HDAC11: variants seen among roughly 807,000 people sequenced by gnomAD.
The protein encoded by HDAC11 is histone deacetylase 11.
In HDAC11, 23 loss-of-function variants were observed where a neutral mutation model predicts 41.1. The ratio of observed to expected loss-of-function variants is 0.56; its 90% CI spans 0.40 to 0.79. The LOEUF (loss-of-function observed/expected upper bound fraction) is 0.79, where lower values mean the gene tolerates loss of function less well. Among genes scored for constraint, HDAC11 ranks in the 30% least tolerant of loss-of-function variants. The probability of loss-of-function intolerance (pLI) is 0.00; values close to 1 mark genes in which losing one functional copy is unlikely to be tolerated. For synonymous variants in HDAC11, 187 were observed against 186.6 expected (o/e 1.00, Z -0.02); for missense variants, 402 against 477.3 (o/e 0.84, Z 1.47).
intron 3 of HDAC11, among the ~76,000 whole-genome samples, chr3:13,488,154 G>A (rs1282334660): frequency 1.3e-5 from 2 of 151,896 alleles, no homozygotes; most frequent in African/African-American, 4.8e-5. Context: ...TGGAGCACCT[G>A]GAGGGACCCT....
intron 3 of HDAC11, among the ~76,000 whole-genome samples, chr3:13,494,478 A>G (rs1261089954): frequency 1.3e-5 from 2 of 152,220 alleles, no homozygotes; most frequent in Admixed American, 1.3e-4. Flanking sequence ...GCACACATGT[A>G]TACACAAGAC....
chr3:13,491,992 A>C (rs1701886889), intron 3 of HDAC11, among the ~76,000 whole-genome samples: 1 of 152,212 alleles, frequency 6.6e-6, no homozygotes, highest in South Asian at 2.1e-4. Context: ...CTGCATTTCT[A>C]ATACATTCTC....
At chr3:13,503,901 G>A (rs1009566586) in intron 8 of HDAC11, among the ~76,000 whole-genome samples, 193 bp from the exon 9 acceptor site, 2 of 152,212 alleles carry the variant, frequency 1.3e-5, no homozygotes, top group African/African-American at 4.8e-5. Context: ...CTCAGCTTCA[G>A]TGCCCCTTCT....
intron 3 of HDAC11, among the ~76,000 whole-genome samples, chr3:13,486,568 GGTGTTTT>G (rs1220912258): frequency 7.8e-6 from 1 of 128,638 alleles, no homozygotes; most frequent in East Asian, 2.5e-4. Context: ...CTCATGTAGA[GGTGTTTT>G]TTTTTTTTTT....
chr3:13,495,606 C>T (rs1053577184), intron 3 of HDAC11, among the ~76,000 whole-genome samples: 1 of 152,202 alleles, frequency 6.6e-6, no homozygotes, highest in Admixed American at 6.5e-5. Flanking sequence ...CTCCTTGCTG[C>T]AGCTAGTGCA....
chr3:13,480,625 C>T lies in HDAC11; in HGVS notation c.2+276C>T. On this transcript the variant is annotated intron_variant, in intron 1 of 9. Coordinates refer to ENST00000295757, the MANE Select transcript of HDAC11 (RefSeq NM_024827.4). This position sits in a 1 kb window ranked among gnomAD's most constrained non-coding sequence, Gnocchi z 4.6. Reference sequence around the variant, plus strand: ...GCGATGTGCGCGGGTCTGACGTCTGCGCTGCCCAGCCCCCTGGCTACGCGG... The same window carrying T: ...GCGATGTGCGCGGGTCTGACGTCTGTGCTGCCCAGCCCCCTGGCTACGCGG... 1 of 365,850 alleles carries T rather than the reference C, an allele frequency of 2.7e-6. No homozygotes were observed. The highest frequency in any genetic ancestry group is 5.5e-6 in the Non-Finnish European group (1 of 182,858). 22.7% of individuals were successfully genotyped at this position (365,850 alleles called of 1,614,324 possible).
intron 2 of HDAC11, 42 bp downstream of exon 2, chr3:13,481,436 C>T (rs1330744681): frequency 3.7e-6 from 6 of 1,605,988 alleles, no homozygotes; most frequent in Non-Finnish European, 4.3e-6. Context: ...CTTCCTCCAA[C>T]CCACCTGTCC....
At chr3:13,497,934 C>T (rs1417353023) in intron 4 of HDAC11, among the ~76,000 whole-genome samples, 1 of 140,746 alleles carries the variant, frequency 7.1e-6, no homozygotes, top group African/African-American at 2.7e-5. Context: ...TGGCTCACTG[C>T]AACCTCTGCC....
chr3:13,484,877 C>T (rs1230835909), intron 3 of HDAC11, among the ~76,000 whole-genome samples: 2 of 151,218 alleles, frequency 1.3e-5, no homozygotes, highest in East Asian at 2.0e-4. Flanking sequence ...GAGGTTGGGG[C>T]GGGGGCTTGC....
chr3:13,503,966 G>A, intron 8 of HDAC11, 128 bp from the exon 9 acceptor site: 3 of 814,342 alleles, frequency 3.7e-6, no homozygotes, highest in South Asian at 1.8e-5. Context: ...CTTAGTTTTG[G>A]GTGGAATGAG....
chr3:13,487,892 G>A lies in HDAC11; in HGVS notation c.252+4328G>A, dbSNP rs143127313. 1.4e-4 allele frequency among the ~76,000 whole-genome samples: 22 copies of A among 152,136 alleles called. No individual in the cohort carries two copies. The East Asian group carries it at 4.2e-3, about 29-fold the overall frequency. ...GATGGTGCTGAGTGTCGTGAAGAAA[G>A]GAAGGGACAGCAGAAAAGGGGTGGG... is the stretch of plus-strand genomic sequence containing the variant. On this transcript the variant is annotated intron_variant, in intron 3 of 9. Transcript: ENST00000295757.
intron 3 of HDAC11, among the ~76,000 whole-genome samples, chr3:13,494,100 G>A (rs912368195): frequency 6.6e-6 from 1 of 152,262 alleles, no homozygotes. Flanking sequence ...CAAACGACTT[G>A]CCGGTGGAAG....
chr3:13,501,608 C>T, intron 6 of HDAC11: 1 of 686,902 alleles, frequency 1.5e-6, no homozygotes. Flanking sequence ...ACCCACTTAC[C>T]TCCTGACCTA....
At chr3:13,498,039 A>G (rs888474103) in intron 4 of HDAC11, among the ~76,000 whole-genome samples, 3 of 151,752 alleles carry the variant, frequency 2.0e-5, no homozygotes, top group African/African-American at 7.3e-5. Context: ...TATTTTTAGT[A>G]GAGACGGGGT....
chr3:13,504,497 C>T lies in HDAC11; in HGVS notation c.858C>T (p.Phe286=), dbSNP rs1426309232. 6.2e-7 allele frequency: 1 copy of T among 1,613,406 alleles called. No individual in the cohort carries two copies. Among genetic ancestry groups the T allele is most frequent in the Non-Finnish European group, 8.5e-7 (1 of 1,180,020 alleles). The change falls in exon 10 of 10, where the codon TTC becomes TTT. Residue 286 remains phenylalanine, a synonymous_variant. Coordinates refer to ENST00000295757, the MANE Select transcript of HDAC11 (RefSeq NM_024827.4). The part of the protein sequence containing the change: ...AGIVKRDELV[F]RMVRGRRVPI... The stretch of plus-strand genomic sequence containing the variant: ...TCGTGAAGCGGGATGAGCTGGTGTT[C>T]CGGATGGTCCGTGGCCGCCGGGTGC...
chr3:13,494,341 G>C (rs919489973), intron 3 of HDAC11, among the ~76,000 whole-genome samples: 6 of 152,264 alleles, frequency 3.9e-5, no homozygotes, highest in African/African-American at 1.4e-4. Flanking sequence ...CACACGCGGG[G>C]CCTCTGCCGG....
Position 13,494,426 on chromosome 3 carries a change from C to T in HDAC11, c.253-2310C>T, listed in dbSNP as rs577577594. ...GACCTTCCTTTCTCTGGGTCTGTCC[C>T]GCAACATACACACACGCACACACGC... On this transcript the variant is annotated intron_variant, in intron 3 of 9. Coordinates refer to ENST00000295757, the MANE Select transcript of HDAC11 (RefSeq NM_024827.4). Among the ~76,000 whole-genome samples, 17 of 152,290 alleles carry T rather than the reference C, an allele frequency of 1.1e-4. No individual in the cohort carries two copies. The East Asian group carries it at 1.5e-3, about 14-fold the overall frequency.
In HDAC11 at chr3:13,506,264, G is replaced by T. The variant is rs1702621848; in HGVS notation, c.*1581G>T. The T allele has an allele frequency of 6.6e-6, 1 of 152,248 alleles. No individual in the cohort carries two copies. The highest frequency in any genetic ancestry group is 2.1e-4 in the South Asian group (1 of 4,832). 9.4% of individuals were successfully genotyped at this position (152,248 alleles called of 1,614,324 possible). On this transcript the variant is annotated 3_prime_UTR_variant, in exon 10 of 10. Transcript: ENST00000295757. ...TCACTGTTGAGCTTCTGTTCCTAGA[G>T]AATCCTAGAGGCTTGATTGGCCCAG...
intron 4 of HDAC11, among the ~76,000 whole-genome samples, chr3:13,497,554 C>T (rs559318059): frequency 6.6e-6 from 1 of 152,134 alleles, no homozygotes; most frequent in Non-Finnish European, 1.5e-5. Flanking sequence ...ACGTCTCCCC[C>T]ACTGCGGGTG....
Sources: gnomAD v4.1 joint callset for allele counts (sites outside exome capture counted in the v4.1 genomes callset) on GRCh38, gnomAD v4.1.1 for gene constraint, Gnocchi (gnomAD v3.1) non-coding constraint, MANE v1.5 for transcripts, NCBI Gene and HGNC (gene_info 2026-07-23, HGNC 2026-07-21) for gene names.